DYNC1I1: variants seen among roughly 807,000 people sequenced by gnomAD.
DYNC1I1 encodes the protein dynein cytoplasmic 1 intermediate chain 1, also known as cytoplasmic dynein 1 intermediate chain 1.
DYNC1I1 carries 43 observed loss-of-function variants against 86.6 expected under a neutral mutation model. The observed-to-expected ratio is 0.50, with a 90% CI of 0.39 to 0.64. The LOEUF (loss-of-function observed/expected upper bound fraction) is 0.64. DYNC1I1 is among the 30% of genes least tolerant of loss of function. The pLI, the probability that DYNC1I1 is intolerant of heterozygous loss-of-function variation, is 0.00. For synonymous variants in DYNC1I1, 262 were observed against 283.7 expected, an observed-to-expected ratio of 0.92 and a Z score of 0.77; for missense variants, 604 against 788.8, an observed-to-expected ratio of 0.77 and a Z score of 2.81.
chr7:96,080,228 C>T (rs189040266), intron 15 of DYNC1I1, 135 bp from the exon 16 acceptor site: 71 of 1,133,716 alleles, frequency 6.3e-5, no homozygotes, highest in Non-Finnish European at 8.2e-5. Flanking sequence ...TTTTTCCCCC[C>T]GGCACAAGGG....
intron 6 of DYNC1I1, among the ~76,000 whole-genome samples, chr7:95,945,355 C>T (rs1338541579): frequency 1.3e-5 from 2 of 152,062 alleles, no homozygotes; most frequent in African/African-American, 2.4e-5. Context: ...CTAAATAAAA[C>T]ATTTCCACTA....
intron 15 of DYNC1I1, among the ~76,000 whole-genome samples, chr7:96,078,980 G>A (rs1790429082): frequency 1.3e-5 from 2 of 151,488 alleles, no homozygotes; most frequent in South Asian, 4.2e-4. Flanking sequence ...TATAGAAATT[G>A]TGTATTTTTA....
intron 10 of DYNC1I1, among the ~76,000 whole-genome samples, chr7:96,019,209 AATAT>A (rs1342947188): frequency 1.3e-5 from 2 of 152,200 alleles, no homozygotes; most frequent in African/African-American, 4.8e-5. Context: ...GCAATTTTTA[AATAT>A]ATAATACATT....
chr7:95,924,866 A>T, intron 6 of DYNC1I1, among the ~76,000 whole-genome samples: 1 of 152,168 alleles, frequency 6.6e-6, no homozygotes, highest in Non-Finnish European at 1.5e-5. Flanking sequence ...TCCTAGTCAA[A>T]AGTGGGCTCT....
At chr7:96,065,326 A>G (rs1287875124) in intron 14 of DYNC1I1, among the ~76,000 whole-genome samples, 1 of 147,754 alleles carries the variant, frequency 6.8e-6, no homozygotes, top group Non-Finnish European at 1.5e-5. Context: ...AATTTCCTCC[A>G]TAGTCCTCCT....
At chr7:95,860,306 C>T (rs1252103706) in intron 5 of DYNC1I1, among the ~76,000 whole-genome samples, 1 of 152,094 alleles carries the variant, frequency 6.6e-6, no homozygotes, top group Admixed American at 6.6e-5. Context: ...GCCATTCATC[C>T]AGGAAACTGT....
At chr7:95,947,259 C>T (rs868357019) in intron 6 of DYNC1I1, among the ~76,000 whole-genome samples, 53 of 152,296 alleles carry the variant, frequency 3.5e-4, no homozygotes, top group Middle Eastern at 3.4e-3. Context: ...TATCTACTCA[C>T]GTCAGTGTTT....
intron 6 of DYNC1I1, among the ~76,000 whole-genome samples, chr7:95,933,514 T>G (rs1791958103): frequency 6.6e-6 from 1 of 152,142 alleles, no homozygotes; most frequent in African/African-American, 2.4e-5. Context: ...AAAGCAAGAG[T>G]AATAATTGAT....
intron 10 of DYNC1I1, among the ~76,000 whole-genome samples, chr7:96,003,700 C>G (rs966359145): frequency 1.2e-4 from 19 of 152,104 alleles, no homozygotes; most frequent in Non-Finnish European, 1.5e-5. Context: ...CAGTACAGAG[C>G]AGGAGTGGGC....
chr7:95,928,916 C>T (rs1251858531), intron 6 of DYNC1I1, among the ~76,000 whole-genome samples: 2 of 152,126 alleles, frequency 1.3e-5, no homozygotes, highest in African/African-American at 4.8e-5. Context: ...AAGAGTATTA[C>T]TATGTGAGCC....
intron 6 of DYNC1I1, among the ~76,000 whole-genome samples, chr7:95,968,187 G>GA (rs779367696): frequency 0.018 from 2,480 of 137,562 alleles, 56 homozygotes; most frequent in Admixed American, 0.039. Context: ...GGCCTTAACC[G>GA]AAAAAAAAAA....
At chr7:95,846,617 ATCTCTC>A (rs71739811) in intron 5 of DYNC1I1, among the ~76,000 whole-genome samples, 5,323 of 121,404 alleles carry the variant, frequency 0.044, 261 homozygotes, top group East Asian at 0.14. Context: ...TAAATGATAA[ATCTCTC>A]TCTCTGTGTG....
intron 6 of DYNC1I1, among the ~76,000 whole-genome samples, chr7:95,916,548 T>G (rs992856758): frequency 6.6e-6 from 1 of 152,246 alleles, no homozygotes; most frequent in Non-Finnish European, 1.5e-5. Flanking sequence ...TTTCTTTTTG[T>G]GTTTTCCATA....
intron 10 of DYNC1I1, among the ~76,000 whole-genome samples, chr7:96,014,750 A>G (rs68158645): frequency 0.11 from 16,430 of 152,254 alleles, 1,019 homozygotes; most frequent in Non-Finnish European, 0.14. Context: ...GGTCTGTTAT[A>G]GTCACTTTGT....
At chr7:96,086,469 G>A (rs1790682601) in intron 16 of DYNC1I1, among the ~76,000 whole-genome samples, 3 of 152,116 alleles carry the variant, frequency 2.0e-5, no homozygotes, top group Admixed American at 2.0e-4. Flanking sequence ...TAAAAACCAT[G>A]GTTTGAGAGA....
chr7:96,079,320 C>T (rs1215834169), intron 15 of DYNC1I1, among the ~76,000 whole-genome samples: 2 of 151,978 alleles, frequency 1.3e-5, no homozygotes, highest in African/African-American at 4.8e-5. Flanking sequence ...TCCTAGTGGC[C>T]CCCTTTTCAC....
intron 5 of DYNC1I1, among the ~76,000 whole-genome samples, chr7:95,855,841 C>G (rs1789705802): frequency 6.6e-6 from 1 of 151,960 alleles, no homozygotes. Flanking sequence ...ATGAATGGAG[C>G]TTATAGGACT....
intron 6 of DYNC1I1, among the ~76,000 whole-genome samples, chr7:95,938,903 G>T (rs1584179482): frequency 6.6e-6 from 1 of 152,102 alleles, no homozygotes; most frequent in East Asian, 1.9e-4. Context: ...TGTCAATTTT[G>T]GATCTTTCCT....
At position 96,076,217 on chromosome 7, in the gene DYNC1I1, CCCGGGCCGGAGGGCTGGGAGGGGGGCG is replaced by C. The variant is rs1562995782; in HGVS notation, c.1650+22_1650+48del. On this transcript the variant is annotated intron_variant, in intron 15 of 16. Coordinates refer to ENST00000447467, the MANE Select transcript of DYNC1I1 (RefSeq NM_001135556.2). ...ACCGAGGTGAGCGGCGGCTCAGGCG[CCCGGGCCGGAGGGCTGGGAGGGGGGCG>C]CAGTCGGCCACTCGCAGTCTCTCCC... 6.2e-7 allele frequency: 1 copy of C among 1,612,966 alleles called. No homozygotes were observed. Among genetic ancestry groups the C allele is most frequent in the Admixed American group, 1.7e-5 (1 of 59,876 alleles).
Sources: allele counts gnomAD v4.1 joint callset (sites outside exome capture counted in the v4.1 genomes callset), GRCh38; gene constraint gnomAD v4.1.1; transcripts MANE v1.5; gene names NCBI Gene and HGNC (gene_info 2026-07-23, HGNC 2026-07-21).